KCNIP4: variants seen among roughly 807,000 people sequenced by gnomAD.
KCNIP4 encodes Kv channel-interacting protein 4.
KCNIP4 carries 12 observed loss-of-function variants against 34.0 expected under a neutral mutation model. That is an observed-to-expected ratio of 0.35 (90% CI 0.23 to 0.57). The LOEUF (loss-of-function observed/expected upper bound fraction) is 0.57. KCNIP4 is among the 20% of genes least tolerant of loss of function. The pLI is 0.83. For synonymous variants in KCNIP4, 124 were observed against 102.2 expected (o/e 1.21, Z -1.29); for missense variants, 238 against 311.7 (o/e 0.76, Z 1.78).
chr4:20,869,561 A>T (rs2149508151), intron 2 of KCNIP4, among the ~76,000 whole-genome samples: 1 of 152,180 alleles, frequency 6.6e-6, no homozygotes, highest in Admixed American at 6.6e-5. Flanking sequence ...CTGACAAATT[A>T]TTCAGTTCCT....
At chr4:20,936,316 C>T (rs1301987437) in intron 1 of KCNIP4, among the ~76,000 whole-genome samples, 1 of 152,104 alleles carries the variant, frequency 6.6e-6, no homozygotes, top group Non-Finnish European at 1.5e-5. Context: ...GTGGGGACTA[C>T]CTAACACAAC....
At chr4:21,263,060 C>T (rs1164711268) in intron 1 of KCNIP4, among the ~76,000 whole-genome samples, 3 of 152,158 alleles carry the variant, frequency 2.0e-5, no homozygotes, top group Non-Finnish European at 4.4e-5. Context: ...TCCATGATGT[C>T]CATCAAGTAG....
chr4:21,505,058 T>C (rs16871265), intron 1 of KCNIP4, among the ~76,000 whole-genome samples: 11,814 of 152,184 alleles, frequency 0.078, 1,427 homozygotes, highest in African/African-American at 0.26. Context: ...GATTTAACTC[T>C]CGAGTGATGA....
At chr4:21,595,611 T>C (rs1195019901) in intron 1 of KCNIP4, among the ~76,000 whole-genome samples, 1 of 152,098 alleles carries the variant, frequency 6.6e-6, no homozygotes, top group East Asian at 1.9e-4. Flanking sequence ...CTACCAACAG[T>C]GTAAGAGCAT....
At chr4:21,412,597 T>A (rs527636498) in intron 1 of KCNIP4, among the ~76,000 whole-genome samples, 1 of 152,340 alleles carries the variant, frequency 6.6e-6, no homozygotes. Context: ...TGCTTTTATA[T>A]GTGTATTTGA....
intron 3 of KCNIP4, among the ~76,000 whole-genome samples, chr4:20,799,878 T>C (rs1714007800): frequency 6.6e-6 from 1 of 152,204 alleles, no homozygotes; most frequent in Non-Finnish European, 1.5e-5. Context: ...CTGTACCCTG[T>C]TTCCCAGGGT....
At chr4:21,003,009 T>A (rs79289461) in intron 1 of KCNIP4, among the ~76,000 whole-genome samples, 1 of 152,192 alleles carries the variant, frequency 6.6e-6, no homozygotes, top group African/African-American at 2.4e-5. Context: ...TGACTGCTCT[T>A]ATTTTTTCTA....
chr4:20,810,931 C>T (rs188681554), intron 3 of KCNIP4, among the ~76,000 whole-genome samples: 6 of 152,152 alleles, frequency 3.9e-5, no homozygotes, highest in African/African-American at 1.4e-4. Context: ...GGGAAGTTAG[C>T]GTACTGGGAC....
intron 1 of KCNIP4, among the ~76,000 whole-genome samples, chr4:21,391,087 T>G (rs1381032633): frequency 6.6e-6 from 1 of 152,194 alleles, no homozygotes; most frequent in Non-Finnish European, 1.5e-5. Context: ...TCTTTTCATG[T>G]GCTTATTGGC....
intron 1 of KCNIP4, among the ~76,000 whole-genome samples, chr4:21,233,478 A>C (rs2109025267): frequency 6.6e-6 from 1 of 152,178 alleles, no homozygotes; most frequent in East Asian, 1.9e-4. Context: ...TATTTATAGA[A>C]TTGTTGCCAG....
rs5856634 is a variant in KCNIP4 at position 21,427,314 on chromosome 4, TAA to T, written c.61+521255_61+521256del. On this transcript the variant is annotated intron_variant, in intron 1 of 8. Transcript: ENST00000382152. ...GTGTTAAGCCACGGGAATAAATATG[TAA>T]AAAAAAAAAAAATTAAGGCTTTTAT... 2.0e-3 allele frequency among the ~76,000 whole-genome samples: 284 copies of T among 144,636 alleles called. 1 individual carries two copies. Among genetic ancestry groups the T allele is most frequent in the African/African-American group, 6.0e-3 (239 of 39,742 alleles). 94.9% of individuals were successfully genotyped at this position (144,636 alleles called of 152,430 possible).
chr4:21,815,828 G>C (rs1263539486), intron 1 of KCNIP4, among the ~76,000 whole-genome samples: 1 of 152,164 alleles, frequency 6.6e-6, no homozygotes, highest in East Asian at 1.9e-4. Flanking sequence ...CCCCATTAAA[G>C]AGCTTTAGGC....
chr4:20,909,404 A>T (rs1346337659), intron 1 of KCNIP4, among the ~76,000 whole-genome samples: 2 of 152,154 alleles, frequency 1.3e-5, no homozygotes, highest in African/African-American at 2.4e-5. Context: ...ATGGCTATGC[A>T]TATCTCTCTT....
intron 1 of KCNIP4, among the ~76,000 whole-genome samples, chr4:21,749,884 T>TA (rs1194967844): frequency 1.3e-5 from 2 of 152,196 alleles, no homozygotes; most frequent in African/African-American, 4.8e-5. Flanking sequence ...ATTCCATACT[T>TA]AGAGTCTAAG....
At chr4:21,622,100 C>T (rs146460238) in intron 1 of KCNIP4, among the ~76,000 whole-genome samples, 323 of 152,314 alleles carry the variant, frequency 2.1e-3, no homozygotes, top group African/African-American at 7.4e-3. Context: ...GTATCCTTTG[C>T]TCATATTAAA....
chr4:21,261,493 T>G (rs952725229), intron 1 of KCNIP4, among the ~76,000 whole-genome samples: 1 of 152,180 alleles, frequency 6.6e-6, no homozygotes, highest in Non-Finnish European at 1.5e-5. Context: ...TCCTGTGTCA[T>G]GAACATCACC....
At chr4:21,124,060 A>C (rs984731342) in intron 1 of KCNIP4, among the ~76,000 whole-genome samples, 2 of 152,044 alleles carry the variant, frequency 1.3e-5, no homozygotes, top group African/African-American at 4.8e-5. Context: ...AAAACAACAA[A>C]AAAAACCTAT....
chr4:21,532,624 T>C (rs1736780804), intron 1 of KCNIP4, among the ~76,000 whole-genome samples: 1 of 152,154 alleles, frequency 6.6e-6, no homozygotes, highest in South Asian at 2.1e-4. Context: ...TTTCAATAAT[T>C]AATATAAGCT....
intron 1 of KCNIP4, among the ~76,000 whole-genome samples, chr4:21,526,927 C>A (rs769671278): frequency 5.3e-5 from 8 of 152,130 alleles, no homozygotes; most frequent in Non-Finnish European, 1.2e-4. Context: ...CAGATATAAC[C>A]CACAACAAAT....
Sources: allele counts gnomAD v4.1 joint callset (sites outside exome capture counted in the v4.1 genomes callset), GRCh38; gene constraint gnomAD v4.1.1; transcripts MANE v1.5; gene names NCBI Gene and HGNC (gene_info 2026-07-23, HGNC 2026-07-21).